The following LEKR1 variants were observed in gnomAD, a reference collection of about 807,000 sequenced individuals.
LEKR1 encodes leucine, glutamate and lysine rich 1.
In LEKR1, 59 loss-of-function variants were observed where a neutral mutation model predicts 72.4. The observed-to-expected ratio is 0.82, with a 90% confidence interval of 0.66 to 1.01. The LOEUF (loss-of-function observed/expected upper bound fraction) is 1.01, where lower values mean the gene tolerates loss of function less well. Among genes scored for constraint, LEKR1 ranks in the 50% least tolerant of loss-of-function variants. LEKR1 has a pLI of 0.00. For synonymous variants in LEKR1, 257 were observed against 263.2 expected (o/e 0.98, Z 0.23); for missense variants, 728 against 759.2 (o/e 0.96, Z 0.48).
In LEKR1 at chr3:156,864,500, TG is replaced by T. The variant is rs1717099722; in HGVS notation, c.263+11519del. Among the ~76,000 whole-genome samples the T allele has an allele frequency of 3.9e-5, 6 of 152,208 alleles. 1 individual carries two copies. In the South Asian group the frequency reaches 1.2e-3, roughly 32 times the overall value. Reference sequence around the variant, plus strand: ...AAACAAATGAAATCTTCACTTAAACTGAGGCATCTTCCAGATACTTTCTTAG... The same window carrying T: ...AAACAAATGAAATCTTCACTTAAACTAGGCATCTTCCAGATACTTTCTTAG... On this transcript the variant is annotated intron_variant, in intron 3 of 12. Coordinates refer to ENST00000356539, the MANE Select transcript of LEKR1 (RefSeq NM_001004316.3).
At chr3:156,827,225 A>G (rs936579534) in intron 1 of LEKR1, 4 of 152,220 alleles carry the variant, frequency 2.6e-5, no homozygotes, top group African/African-American at 9.6e-5. Flanking sequence ...TATGTATGCA[A>G]ATGTTTTTAA....
chr3:157,045,291 T>G, intron 12 of LEKR1, 49 bp from the exon 13 acceptor site: 1 of 1,470,734 alleles, frequency 6.8e-7, no homozygotes, highest in Non-Finnish European at 9.3e-7. Context: ...TCTACTTATG[T>G]ACATTGTTTA....
rs187227289 is a variant in LEKR1, at chr3:157,003,038, A to G, written c.1110-8375A>G. On this transcript the variant is annotated intron_variant, in intron 9 of 12. Coordinates refer to ENST00000356539, the MANE Select transcript of LEKR1 (RefSeq NM_001004316.3). ...AAATATTCAGTACCATCTACTTTAT[A>G]GTAAAGGTAGCTTCTAATGTATTCA... Among the ~76,000 whole-genome samples, 225 of 152,326 alleles carry G rather than the reference A, an allele frequency of 1.5e-3. 1 individual carries two copies. The highest frequency in any genetic ancestry group is 5.2e-3 in the African/African-American group (217 of 41,576).
At chr3:156,873,434 C>A (rs927755462) in intron 3 of LEKR1, among the ~76,000 whole-genome samples, 2 of 151,972 alleles carry the variant, frequency 1.3e-5, no homozygotes, top group African/African-American at 4.8e-5. Context: ...TATTGATATG[C>A]AAAGGCATAT....
chr3:157,018,624 G>GA (rs377128185), intron 10 of LEKR1, among the ~76,000 whole-genome samples: 5 of 151,034 alleles, frequency 3.3e-5, no homozygotes, highest in African/African-American at 9.7e-5. Context: ...CAGCTTACAT[G>GA]AAAAAAAAAC....
chr3:156,829,924 G>T (rs1020229416), intron 2 of LEKR1, among the ~76,000 whole-genome samples: 2 of 152,026 alleles, frequency 1.3e-5, no homozygotes, highest in Admixed American at 1.3e-4. Context: ...TAAGAAAAAG[G>T]CATGTCATGA....
intron 9 of LEKR1, among the ~76,000 whole-genome samples, chr3:157,007,066 G>A (rs1328579392): frequency 6.6e-6 from 1 of 152,176 alleles, no homozygotes; most frequent in Non-Finnish European, 1.5e-5. Context: ...GCCGGGCGTG[G>A]TGGCGGGCGC....
At chr3:156,853,622 A>G (rs1184720520) in intron 3 of LEKR1, among the ~76,000 whole-genome samples, 2 of 152,130 alleles carry the variant, frequency 1.3e-5, no homozygotes, top group Non-Finnish European at 2.9e-5. Flanking sequence ...GAATTTAATG[A>G]ATAAATTTAA....
At chr3:156,854,610 G>A (rs1715820477) in intron 3 of LEKR1, among the ~76,000 whole-genome samples, 1 of 149,812 alleles carries the variant, frequency 6.7e-6, no homozygotes, top group African/African-American at 2.5e-5. Flanking sequence ...CACTATACAC[G>A]GCTCACTGTA....
rs546500927 is a variant in LEKR1 at position 156,949,088 on chromosome 3, T to C, written c.745+6374T>C. 2.6e-5 allele frequency among the ~76,000 whole-genome samples: 4 copies of C among 151,492 alleles called. No individual in the cohort carries two copies. In the South Asian group the frequency reaches 8.3e-4, roughly 31 times the overall value. On this transcript the variant is annotated intron_variant, in intron 6 of 12. Coordinates refer to ENST00000356539, the MANE Select transcript of LEKR1 (RefSeq NM_001004316.3). ...CTTTGTCTGCTGCATACTTTGCAAA[T>C]TTTGTCTCCCATTCTGTAAGTTGTC...
At chr3:156,926,065 TA>T (rs1365518810) in intron 4 of LEKR1, among the ~76,000 whole-genome samples, 3 of 152,026 alleles carry the variant, frequency 2.0e-5, no homozygotes, top group Non-Finnish European at 4.4e-5. Context: ...AATAGAAAGA[TA>T]AATTTTTTAA....
chr3:157,003,502 A>G (rs1473727189), intron 9 of LEKR1, among the ~76,000 whole-genome samples: 1 of 152,222 alleles, frequency 6.6e-6, no homozygotes, highest in Non-Finnish European at 1.5e-5. Context: ...TTCCCTCTGC[A>G]GGATCCAGAG....
At chr3:156,844,569 T>G (rs955844867) in intron 2 of LEKR1, among the ~76,000 whole-genome samples, 1 of 152,148 alleles carries the variant, frequency 6.6e-6, no homozygotes. Flanking sequence ...TGGTCTGGTC[T>G]CCAATAATTT....
At chr3:156,931,029 T>G (rs1294447421) in intron 5 of LEKR1, among the ~76,000 whole-genome samples, 2 of 152,024 alleles carry the variant, frequency 1.3e-5, no homozygotes, top group Non-Finnish European at 2.9e-5. Flanking sequence ...GACATAGAAG[T>G]AAGAACTATA....
chr3:157,009,133 A>G (rs1448977059), intron 9 of LEKR1, among the ~76,000 whole-genome samples: 1 of 152,154 alleles, frequency 6.6e-6, no homozygotes, highest in Non-Finnish European at 1.5e-5. Context: ...GCTATTCTAT[A>G]GAAGTATTAT....
At chr3:156,944,405 T>C (rs1726500487) in intron 6 of LEKR1, among the ~76,000 whole-genome samples, 1 of 151,814 alleles carries the variant, frequency 6.6e-6, no homozygotes, top group Non-Finnish European at 1.5e-5. Context: ...TTCTTTGTTT[T>C]ACATACAATT....
intron 2 of LEKR1, among the ~76,000 whole-genome samples, chr3:156,836,031 GC>G (rs1713097329): frequency 6.6e-6 from 1 of 151,636 alleles, no homozygotes; most frequent in South Asian, 2.1e-4. Flanking sequence ...GTACCACCAT[GC>G]CTGGCTGATT....
At chr3:156,972,900 T>A (rs1729363128) in intron 6 of LEKR1, among the ~76,000 whole-genome samples, 1 of 152,046 alleles carries the variant, frequency 6.6e-6, no homozygotes, top group South Asian at 2.1e-4. Context: ...GCACTTGTTA[T>A]TTATATAAGG....
intron 6 of LEKR1, among the ~76,000 whole-genome samples, chr3:156,964,323 A>G (rs563849703): frequency 6.6e-6 from 1 of 152,194 alleles, no homozygotes; most frequent in South Asian, 2.1e-4. Context: ...TATTCATAGT[A>G]TTCTGTTGTT....
Sources: allele counts gnomAD v4.1 joint callset (sites outside exome capture counted in the v4.1 genomes callset), GRCh38; gene constraint gnomAD v4.1.1; transcripts MANE v1.5; gene names NCBI Gene and HGNC (gene_info 2026-07-23, HGNC 2026-07-21).